Variants in GRID2 observed in about 807,000 individuals in gnomAD.
GRID2 encodes glutamate receptor ionotropic, delta-2.
Under a neutral mutation model 114.8 loss-of-function variants are expected in GRID2, and 33 were observed. The observed-to-expected ratio is 0.29, with a 90% CI of 0.22 to 0.38. The LOEUF (loss-of-function observed/expected upper bound fraction) is 0.38, where lower values mean the gene tolerates loss of function less well. GRID2 is among the 10% of genes least tolerant of loss of function. GRID2 has a pLI of 1.00. For missense variants in GRID2, 1,184 were observed against 1,257.7 expected, an observed-to-expected ratio of 0.94 and a Z score of 0.89; for synonymous variants, 505 against 449.9, an observed-to-expected ratio of 1.12 and a Z score of -1.55.
At chr4:93,595,434 G>A (rs886960405) in intron 13 of GRID2, among the ~76,000 whole-genome samples, 3 of 152,118 alleles carry the variant, frequency 2.0e-5, no homozygotes, top group African/African-American at 7.2e-5. Flanking sequence ...GGGAACTTGG[G>A]CAAATTATTG....
At chr4:92,629,127 T>C (rs1730666002) in intron 2 of GRID2, among the ~76,000 whole-genome samples, 1 of 152,080 alleles carries the variant, frequency 6.6e-6, no homozygotes, top group African/African-American at 2.4e-5. Context: ...ATCATGTCTT[T>C]GTATATGTTA....
intron 1 of GRID2, among the ~76,000 whole-genome samples, chr4:92,389,493 C>T (rs1248383709): frequency 6.6e-6 from 1 of 150,810 alleles, no homozygotes; most frequent in African/African-American, 2.4e-5. Flanking sequence ...TGTTCAGCTC[C>T]ACAGTTAAAA....
intron 2 of GRID2, among the ~76,000 whole-genome samples, chr4:93,069,128 T>C (rs967434361): frequency 7.2e-5 from 11 of 152,022 alleles, no homozygotes; most frequent in African/African-American, 2.4e-4. Context: ...GCCACCACCA[T>C]GAACCAATCA....
intron 1 of GRID2, among the ~76,000 whole-genome samples, chr4:92,482,035 AAAT>A (rs1722640929): frequency 1.7e-5 from 1 of 57,190 alleles, no homozygotes; most frequent in African/African-American, 6.5e-5. Flanking sequence ...TATATATATA[AAAT>A]AACAATACAA....
At chr4:93,043,092 T>C (rs1273782373) in intron 2 of GRID2, among the ~76,000 whole-genome samples, 4 of 152,162 alleles carry the variant, frequency 2.6e-5, no homozygotes, top group African/African-American at 9.7e-5. Context: ...GATATCAAGG[T>C]CTGTTAATGA....
intron 2 of GRID2, among the ~76,000 whole-genome samples, chr4:92,682,482 T>A (rs1186151649): frequency 6.6e-6 from 1 of 152,202 alleles, no homozygotes; most frequent in Non-Finnish European, 1.5e-5. Flanking sequence ...ACTACTGGTC[T>A]AAGCCTGAAA....
intron 14 of GRID2, among the ~76,000 whole-genome samples, chr4:93,741,174 CAT>C (rs376106965): frequency 0.053 from 2,189 of 41,118 alleles, 57 homozygotes; most frequent in Non-Finnish European, 0.058. Flanking sequence ...TATATATATA[CAT>C]ATATATATAT....
At chr4:92,609,624 A>ATT (rs144374382) in intron 2 of GRID2, among the ~76,000 whole-genome samples, 3,948 of 149,084 alleles carry the variant, frequency 0.026, 127 homozygotes, top group African/African-American at 0.077. Context: ...AATAATATAT[A>ATT]TTATATATAT....
intron 8 of GRID2, among the ~76,000 whole-genome samples, chr4:93,388,108 T>G (rs1764503786): frequency 6.6e-6 from 1 of 152,142 alleles, no homozygotes; most frequent in Admixed American, 6.6e-5. Context: ...AGGAACATGA[T>G]TCTATATTAC....
intron 14 of GRID2, among the ~76,000 whole-genome samples, chr4:93,686,371 C>T (rs1726079402): frequency 6.6e-6 from 1 of 151,954 alleles, no homozygotes; most frequent in Non-Finnish European, 1.5e-5. Flanking sequence ...AGCTTCTTTA[C>T]CAGTCTTACT....
intron 11 of GRID2, among the ~76,000 whole-genome samples, chr4:93,485,220 A>C (rs901362138): frequency 6.6e-6 from 1 of 151,500 alleles, no homozygotes; most frequent in Admixed American, 6.6e-5. Context: ...CTTTTATGAA[A>C]CCACCTATCC....
At chr4:93,541,347 A>G (rs1326414445) in intron 13 of GRID2, among the ~76,000 whole-genome samples, 1 of 152,090 alleles carries the variant, frequency 6.6e-6, no homozygotes, top group Non-Finnish European at 1.5e-5. Context: ...CCTACAAGAC[A>G]GCTCTTTAAT....
intron 13 of GRID2, among the ~76,000 whole-genome samples, chr4:93,564,874 T>G (rs1490479383): frequency 6.6e-6 from 1 of 152,114 alleles, no homozygotes; most frequent in African/African-American, 2.4e-5. Context: ...AATTTATATC[T>G]GAAATAATTT....
chr4:93,669,415 C>A (rs1724212957), intron 14 of GRID2, among the ~76,000 whole-genome samples: 1 of 151,842 alleles, frequency 6.6e-6, no homozygotes, highest in African/African-American at 2.4e-5. Context: ...TATATATTGG[C>A]CATTTTATTA....
intron 1 of GRID2, among the ~76,000 whole-genome samples, chr4:92,500,021 T>C (rs549534308): frequency 6.6e-6 from 1 of 152,368 alleles, no homozygotes; most frequent in African/African-American, 2.4e-5. Flanking sequence ...TTAATATTTT[T>C]CCCATGCAAC....
rs193000835 is a variant in GRID2 at position 93,256,256 on chromosome 4, T to C, written c.1245+17766T>C. 1.2e-3 allele frequency among the ~76,000 whole-genome samples: 177 copies of C among 152,206 alleles called. 1 individual carries two copies. Among genetic ancestry groups the C allele is most frequent in the African/African-American group, 4.1e-3 (171 of 41,554 alleles). On this transcript the variant is annotated intron_variant, in intron 8 of 15. Coordinates refer to ENST00000282020, the MANE Select transcript of GRID2 (RefSeq NM_001510.4). ...AACCATGTTTTAACTTACTGAGGAC[T>C]TCATATTCAGTTTTATCTTATTGTT... is the stretch of plus-strand genomic sequence containing the variant.
At chr4:92,405,590 C>A in intron 1 of GRID2, among the ~76,000 whole-genome samples, 1 of 151,396 alleles carries the variant, frequency 6.6e-6, no homozygotes, top group Middle Eastern at 3.2e-3. Flanking sequence ...AATTTTCATA[C>A]AATAATTCAT....
chr4:93,358,243 C>T (rs1446477021), intron 8 of GRID2, among the ~76,000 whole-genome samples: 1 of 151,716 alleles, frequency 6.6e-6, no homozygotes, highest in Non-Finnish European at 1.5e-5. Context: ...TTTTATCAAG[C>T]TTTATTAGCT....
intron 2 of GRID2, among the ~76,000 whole-genome samples, chr4:92,924,077 G>C (rs929991787): frequency 1.8e-4 from 28 of 152,098 alleles, no homozygotes; most frequent in Admixed American, 5.2e-4. Context: ...CCATAAAAAA[G>C]GATAAGTTCG....
Sources: gnomAD v4.1 joint callset for allele counts (sites outside exome capture counted in the v4.1 genomes callset) on GRCh38, gnomAD v4.1.1 for gene constraint, MANE v1.5 for transcripts, NCBI Gene and HGNC (gene_info 2026-07-23, HGNC 2026-07-21) for gene names.